RNLS: variants seen among roughly 807,000 people sequenced by gnomAD.
The protein encoded by RNLS is renalase.
In RNLS, 39 loss-of-function variants were observed where a neutral mutation model predicts 39.8. The ratio of observed to expected loss-of-function variants is 0.98; its 90% CI spans 0.76 to 1.28. The LOEUF (loss-of-function observed/expected upper bound fraction) is 1.28. RNLS is among the 50% of genes most tolerant of loss of function. RNLS has a pLI of 0.00. For synonymous variants in RNLS, 147 were observed against 150.7 expected, an observed-to-expected ratio of 0.98 and a Z score of 0.18; for missense variants, 410 against 413.3, an observed-to-expected ratio of 0.99 and a Z score of 0.07.
chr10:88,448,395 A>T (rs1009812112), intron 4 of RNLS, among the ~76,000 whole-genome samples: 60 of 152,244 alleles, frequency 3.9e-4, no homozygotes, highest in African/African-American at 1.2e-3. Flanking sequence ...AGACACATGA[A>T]AAAATGCTCA....
intron 4 of RNLS, among the ~76,000 whole-genome samples, chr10:88,363,212 A>T (rs572848573): frequency 6.7e-6 from 1 of 149,168 alleles, no homozygotes; most frequent in Admixed American, 6.7e-5. Context: ...CATGGATACA[A>T]GGGGGGAATA....
At chr10:88,579,438 T>C (rs1487732554) in intron 3 of RNLS, among the ~76,000 whole-genome samples, 1 of 152,118 alleles carries the variant, frequency 6.6e-6, no homozygotes, top group African/African-American at 2.4e-5. Context: ...ACGACCTGCC[T>C]TGGGAAAAGA....
chr10:88,449,208 A>C (rs1842223451), intron 4 of RNLS, among the ~76,000 whole-genome samples: 1 of 152,160 alleles, frequency 6.6e-6, no homozygotes, highest in African/African-American at 2.4e-5. Flanking sequence ...AATAAGCACA[A>C]AATGTCCTCT....
At chr10:88,410,719 C>A in intron 4 of RNLS, among the ~76,000 whole-genome samples, 2 of 151,818 alleles carry the variant, frequency 1.3e-5, no homozygotes, top group Non-Finnish European at 2.9e-5. Flanking sequence ...AATTACTTAA[C>A]CCAAGTCAGT....
At chr10:88,345,108 C>G (rs1014674482) in intron 5 of RNLS, among the ~76,000 whole-genome samples, 14 of 152,088 alleles carry the variant, frequency 9.2e-5, no homozygotes, top group Non-Finnish European at 1.8e-4. Context: ...CCAAAGGACT[C>G]TTTAGGCTCA....
At chr10:88,530,129 CA>C (rs1398331287) in intron 4 of RNLS, among the ~76,000 whole-genome samples, 1 of 152,154 alleles carries the variant, frequency 6.6e-6, no homozygotes, top group Non-Finnish European at 1.5e-5. Flanking sequence ...ATCCTGGCTC[CA>C]AGGCCTTTAA....
the RNLS span, among the ~76,000 whole-genome samples, chr10:88,199,325 A>C: frequency 0.78 from 118,349 of 152,050 alleles, 46,396 homozygotes; most frequent in African/African-American, 0.87. Context: ...GTCCTGTGTA[A>C]CTCTACATCA....
chr10:88,351,859 TTG>T (rs1848738219), intron 5 of RNLS, among the ~76,000 whole-genome samples: 1 of 152,246 alleles, frequency 6.6e-6, no homozygotes, highest in Admixed American at 6.5e-5. Flanking sequence ...TTCCATTTGT[TTG>T]TGTCCTCTTT....
chr10:88,212,920 G>A, the RNLS span, among the ~76,000 whole-genome samples: 1 of 152,314 alleles, frequency 6.6e-6, no homozygotes, highest in East Asian at 1.9e-4. Context: ...TTGTCCAATA[G>A]AAGCAGAACA....
At chr10:88,181,500 G>A in the RNLS span, among the ~76,000 whole-genome samples, 1,707 of 152,218 alleles carry the variant, frequency 0.011, 30 homozygotes, top group African/African-American at 0.038. Context: ...GTGTTATATG[G>A]CAATAGAAAA....
chr10:88,398,751 C>T (rs2133623907), intron 4 of RNLS, among the ~76,000 whole-genome samples: 1 of 151,920 alleles, frequency 6.6e-6, no homozygotes, highest in Middle Eastern at 3.4e-3. Context: ...TAGGTATCAA[C>T]AGAACAAACA....
At chr10:88,523,173 A>G (rs1432100116) in intron 4 of RNLS, among the ~76,000 whole-genome samples, 1 of 152,166 alleles carries the variant, frequency 6.6e-6, no homozygotes, top group Non-Finnish European at 1.5e-5. Context: ...AACTTTCAGA[A>G]GAGTCATTTT....
At chr10:88,451,619 T>G (rs144542517) in intron 4 of RNLS, among the ~76,000 whole-genome samples, 260 of 152,314 alleles carry the variant, frequency 1.7e-3, no homozygotes, top group Middle Eastern at 6.8e-3. Flanking sequence ...CAATAAAATC[T>G]ATAATTCTTT....
chr10:88,502,660 G>T (rs1467510022), intron 4 of RNLS, among the ~76,000 whole-genome samples: 1 of 152,106 alleles, frequency 6.6e-6, no homozygotes, highest in Non-Finnish European at 1.5e-5. Flanking sequence ...ACTAAGACAG[G>T]CTGGTATTGG....
chr10:88,250,649 G>A, the RNLS span, among the ~76,000 whole-genome samples: 202 of 152,240 alleles, frequency 1.3e-3, no homozygotes, highest in African/African-American at 4.8e-3. Context: ...TGATTTTTAA[G>A]TGTTGCAAAT....
chr10:88,513,784 G>A (rs1028370795), intron 4 of RNLS, among the ~76,000 whole-genome samples: 4 of 152,004 alleles, frequency 2.6e-5, no homozygotes, highest in Admixed American at 6.6e-5. Context: ...TTGCACCGTC[G>A]AGATTGTAAC....
intron 4 of RNLS, among the ~76,000 whole-genome samples, chr10:88,539,693 A>C (rs1221270697): frequency 6.6e-6 from 1 of 152,126 alleles, no homozygotes; most frequent in African/African-American, 2.4e-5. Flanking sequence ...TTACTTTTTA[A>C]CATGGGATAT....
At chr10:88,521,934 TA>T (rs1005257229) in intron 4 of RNLS, among the ~76,000 whole-genome samples, 1 of 152,074 alleles carries the variant, frequency 6.6e-6, no homozygotes, top group African/African-American at 2.4e-5. Flanking sequence ...TAAAGCTTGT[TA>T]AATGGTGTTA....
intron 6 of RNLS, among the ~76,000 whole-genome samples, chr10:88,313,407 T>C (rs1436683928): frequency 6.6e-6 from 1 of 152,236 alleles, no homozygotes; most frequent in East Asian, 1.9e-4. Flanking sequence ...CACTTAAAGA[T>C]AATAGCTATT....
Sources: gnomAD v4.1 joint callset for allele counts (sites outside exome capture counted in the v4.1 genomes callset) on GRCh38, gnomAD v4.1.1 for gene constraint, MANE v1.5 for transcripts, NCBI Gene and HGNC (gene_info 2026-07-23, HGNC 2026-07-21) for gene names.